The following CENPW variants were observed in gnomAD, a reference collection of about 807,000 sequenced individuals.
The protein encoded by CENPW is cancer-up-regulated gene 2 protein.
In CENPW, 3 loss-of-function variants were observed where a neutral mutation model predicts 11.1. The observed-to-expected ratio is 0.27, with a 90% confidence interval of 0.12 to 0.70. The LOEUF (loss-of-function observed/expected upper bound fraction) is 0.70, where lower values mean the gene tolerates loss of function less well. CENPW is among the 30% of genes least tolerant of loss of function. The probability of loss-of-function intolerance (pLI) is 0.77; values close to 1 mark genes in which losing one functional copy is unlikely to be tolerated. For missense variants in CENPW, 100 were observed against 105.6 expected (o/e 0.95, Z 0.23); for synonymous variants, 38 against 42.0 (o/e 0.91, Z 0.37).
At chr6:126,450,587 G>C in the CENPW span, among the ~76,000 whole-genome samples, 68 of 150,712 alleles carry the variant, frequency 4.5e-4, 1 homozygote, top group East Asian at 0.011. Context: ...GATATCCTTT[G>C]CTTTTTTTTC....
chr6:126,344,499 A>G lies in CENPW; in HGVS notation c.127-1706A>G, dbSNP rs770592842. ...CTATTTACCTTTAGAAGTAGAAAGA[A>G]TAGATTAACAAATGAAATTGTGCCA... On this transcript the variant is annotated intron_variant, in intron 1 of 2. Transcript: ENST00000368328. Among the ~76,000 whole-genome samples the G allele has an allele frequency of 4.5e-4, 68 of 152,214 alleles. 3 individuals are homozygous for G. Among genetic ancestry groups the G allele is most frequent in the Non-Finnish European group, 1.2e-4 (8 of 68,024 alleles).
At chr6:126,397,606 T>G in the CENPW span, among the ~76,000 whole-genome samples, 1 of 152,172 alleles carries the variant, frequency 6.6e-6, no homozygotes, top group African/African-American at 2.4e-5. Flanking sequence ...AATTTAGCAT[T>G]CCTGTGGGAG....
At chr6:126,370,750 A>C in the CENPW span, among the ~76,000 whole-genome samples, 15 of 150,012 alleles carry the variant, frequency 1.0e-4, no homozygotes, top group Admixed American at 4.6e-4. Flanking sequence ...GATGCAGTTT[A>C]TTTCTTTTTT....
At chr6:126,373,900 GGAGACAT>G in the CENPW span, among the ~76,000 whole-genome samples, 1 of 152,178 alleles carries the variant, frequency 6.6e-6, no homozygotes, top group South Asian at 2.1e-4. Context: ...GACAGGGAAG[GGAGACAT>G]TTTTGGAGGC....
the CENPW span, among the ~76,000 whole-genome samples, chr6:126,371,922 C>A: frequency 6.6e-6 from 1 of 151,846 alleles, no homozygotes; most frequent in African/African-American, 2.4e-5. Context: ...CCTGTGGTAT[C>A]GGTTGTAATA....
In CENPW at chr6:126,346,222, A is replaced by G. The variant is rs1236974697; in HGVS notation, c.144A>G (p.Leu48=). The change falls in exon 2 of 3, where the codon TTA becomes TTG. Residue 48 remains leucine, a synonymous_variant. Transcript: ENST00000368328. ...TTTTAAAGGTCCATCTGAACTGTTT[A>G]CTGTTTGTTCATCGATTAGCAGAAG... ...SGDLLVHLNC[L]LFVHRLAEES... 55 of 1,600,732 alleles carry G rather than the reference A, an allele frequency of 3.4e-5. No homozygotes were observed. The highest frequency in any genetic ancestry group is 4.6e-5 in the Non-Finnish European group (54 of 1,170,452).
At chr6:126,368,992 G>A in the CENPW span, among the ~76,000 whole-genome samples, 3 of 151,958 alleles carry the variant, frequency 2.0e-5, no homozygotes, top group East Asian at 3.9e-4. Flanking sequence ...TTATGTCTTT[G>A]TGTCCTCATA....
chr6:126,468,627 A>G, the CENPW span, among the ~76,000 whole-genome samples: 1 of 152,014 alleles, frequency 6.6e-6, no homozygotes, highest in Non-Finnish European at 1.5e-5. Flanking sequence ...TATTAATAAT[A>G]GGGGAAATCG....
the CENPW span, among the ~76,000 whole-genome samples, chr6:126,407,168 G>A: frequency 6.6e-6 from 1 of 152,260 alleles, no homozygotes; most frequent in Non-Finnish European, 1.5e-5. Context: ...TCATTTGTAA[G>A]TGAGAACATA....
chr6:126,366,750 A>C, the CENPW span, among the ~76,000 whole-genome samples: 2 of 152,176 alleles, frequency 1.3e-5, no homozygotes, highest in African/African-American at 4.8e-5. Context: ...TTGTGTGGCT[A>C]TTGCAGAATA....
At chr6:126,383,396 A>T in the CENPW span, among the ~76,000 whole-genome samples, 1 of 152,174 alleles carries the variant, frequency 6.6e-6, no homozygotes, top group African/African-American at 2.4e-5. Context: ...TATTCACTTG[A>T]TGACAGGATC....
At position 126,348,619 on chromosome 6, in the gene CENPW, T is replaced by C. The variant is rs1780453907; in HGVS notation, c.*127T>C. On this transcript the variant is annotated 3_prime_UTR_variant, in exon 3 of 3. Coordinates refer to ENST00000368328, the MANE Select transcript of CENPW (RefSeq NM_001012507.4). The stretch of plus-strand genomic sequence containing the variant: ...ATTGGCTATAAGTGATGTGTGTGTT[T>C]GTATTTTTTTTCTGGCATGAAATAT... 3.4e-6 allele frequency: 2 copies of C among 590,032 alleles called. No homozygotes were observed. The highest frequency in any genetic ancestry group is 6.4e-5 in the Admixed American group (2 of 31,420). 36.5% of individuals were successfully genotyped at this position (590,032 alleles called of 1,614,324 possible). A position where few individuals can be genotyped will look rare whatever the true frequency, so the allele number is the denominator to read the frequency against.
At chr6:126,417,645 T>C in the CENPW span, among the ~76,000 whole-genome samples, 1 of 152,104 alleles carries the variant, frequency 6.6e-6, no homozygotes. Context: ...CTGCACAAGC[T>C]CTCTCTTTGC....
chr6:126,411,538 G>A, the CENPW span, among the ~76,000 whole-genome samples: 1 of 152,104 alleles, frequency 6.6e-6, no homozygotes, highest in African/African-American at 2.4e-5. Flanking sequence ...GCCTTATCGT[G>A]CAAGTTCACT....
chr6:126,430,915 A>C, the CENPW span, among the ~76,000 whole-genome samples: 2 of 151,876 alleles, frequency 1.3e-5, no homozygotes, highest in African/African-American at 4.8e-5. Flanking sequence ...GTGAGACTCC[A>C]TCTCAAAAAA....
the CENPW span, among the ~76,000 whole-genome samples, chr6:126,467,588 A>C: frequency 6.6e-6 from 1 of 152,186 alleles, no homozygotes; most frequent in African/African-American, 2.4e-5. Context: ...TTATAATGTA[A>C]ATGTAAATTA....
downstream of CENPW, among the ~76,000 whole-genome samples, chr6:126,351,907 G>A (rs1271319043): frequency 4.6e-5 from 7 of 151,964 alleles, no homozygotes; most frequent in Non-Finnish European, 1.0e-4. Flanking sequence ...TGTGGCTGTA[G>A]GTAAGTTTAA....
At chr6:126,376,674 G>A in the CENPW span, among the ~76,000 whole-genome samples, 1 of 152,118 alleles carries the variant, frequency 6.6e-6, no homozygotes, top group African/African-American at 2.4e-5. Flanking sequence ...AATTTCTGTG[G>A]CTAGTCACAA....
At chr6:126,391,691 A>T in the CENPW span, among the ~76,000 whole-genome samples, 21 of 151,970 alleles carry the variant, frequency 1.4e-4, no homozygotes, top group Middle Eastern at 3.4e-3. Context: ...CTGCATAGGG[A>T]TATCTAGTTT....
Sources: allele counts gnomAD v4.1 joint callset (sites outside exome capture counted in the v4.1 genomes callset), GRCh38; gene constraint gnomAD v4.1.1; transcripts MANE v1.5; gene names NCBI Gene and HGNC (gene_info 2026-07-23, HGNC 2026-07-21).